Variants in CWF19L1 observed in about 807,000 individuals in gnomAD.
CWF19L1 encodes CWF19-like protein 1.
Under a neutral mutation model 69.7 loss-of-function variants are expected in CWF19L1, and 60 were observed. The ratio of observed to expected loss-of-function variants is 0.86; its 90% CI spans 0.70 to 1.07. The LOEUF (loss-of-function observed/expected upper bound fraction) is 1.07. Ranked by LOEUF, CWF19L1 falls within the 50% of genes least tolerant of loss-of-function variation. The probability of loss-of-function intolerance (pLI) is 0.00; values close to 1 mark genes in which losing one functional copy is unlikely to be tolerated. For synonymous variants in CWF19L1, 209 were observed against 222.2 expected (o/e 0.94, Z 0.53); for missense variants, 591 against 638.9 (o/e 0.92, Z 0.81).
chr10:100,264,157 G>A (rs1193408843), intron 1 of CWF19L1, among the ~76,000 whole-genome samples: 2 of 152,108 alleles, frequency 1.3e-5, no homozygotes, highest in African/African-American at 4.8e-5. Context: ...CTACTGGGCT[G>A]GTGGTTATAA....
intron 1 of CWF19L1, among the ~76,000 whole-genome samples, chr10:100,266,938 C>A (rs1847613439): frequency 6.6e-6 from 1 of 151,520 alleles, no homozygotes; most frequent in Non-Finnish European, 1.5e-5. Flanking sequence ...CTCCGCCTCC[C>A]GGGTTCAAGC....
chr10:100,244,500 C>T (rs74504620), intron 9 of CWF19L1, among the ~76,000 whole-genome samples: 1,806 of 151,684 alleles, frequency 0.012, 34 homozygotes, highest in African/African-American at 0.042. Context: ...GGACTACGGG[C>T]GTCTGCCACC....
At chr10:100,235,816 T>C (rs1589608539) in intron 12 of CWF19L1, 52 bp from the exon 13 acceptor site, 1 of 1,263,480 alleles carries the variant, frequency 7.9e-7, no homozygotes, top group Non-Finnish European at 1.1e-6. Flanking sequence ...TAAAAATCTA[T>C]AATCTGAGTT....
At chr10:100,248,976 G>A (rs1236258733) in intron 7 of CWF19L1, 2 of 697,140 alleles carry the variant, frequency 2.9e-6, no homozygotes, top group Non-Finnish European at 5.3e-6. Context: ...AGCTGCGCAA[G>A]CTGGAAGCTG....
In CWF19L1 at chr10:100,236,820, T is replaced by C. The variant is rs192899690; in HGVS notation, c.1374+30A>G. ...CAACAAAAAAAACAGATATTTACTC[T>C]TCCCTGAATATCACCATCCCCTGTT... is the stretch of plus-strand genomic sequence containing the variant. On this transcript the variant is annotated intron_variant, in intron 12 of 13. Coordinates refer to ENST00000354105, the MANE Select transcript of CWF19L1 (RefSeq NM_018294.6). 7 of 1,555,390 alleles carry C rather than the reference T, an allele frequency of 4.5e-6. No homozygotes were observed. In the Admixed American group the frequency reaches 1.0e-4, roughly 23 times the overall value.
At chr10:100,238,710 G>A (rs1384028637) in intron 10 of CWF19L1, among the ~76,000 whole-genome samples, 1 of 152,078 alleles carries the variant, frequency 6.6e-6, no homozygotes, top group Non-Finnish European at 1.5e-5. Context: ...CAGGTGGACC[G>A]CCTGAGGTCA....
intron 4 of CWF19L1, among the ~76,000 whole-genome samples, chr10:100,259,824 T>A (rs112916327): frequency 2.6e-5 from 4 of 152,124 alleles, no homozygotes; most frequent in Non-Finnish European, 5.9e-5. Context: ...AGCCAAAAAT[T>A]TCCTGGGAGA....
chr10:100,238,932 C>CAAA (rs397845145), intron 10 of CWF19L1, among the ~76,000 whole-genome samples: 2 of 68,570 alleles, frequency 2.9e-5, no homozygotes, highest in African/African-American at 6.6e-5. Context: ...ACTCCGTCTC[C>CAAA]AAAAAAAAAA....
intron 5 of CWF19L1, chr10:100,254,603 G>A (rs369166535): frequency 6.6e-6 from 1 of 152,104 alleles, no homozygotes; most frequent in Admixed American, 6.6e-5. Flanking sequence ...CTGCTGAAGG[G>A]CAGGGAATTA....
intron 11 of CWF19L1, chr10:100,237,415 T>G (rs932255876): frequency 2.7e-6 from 1 of 377,130 alleles, no homozygotes; most frequent in African/African-American, 2.1e-5. Context: ...ATACTCACTT[T>G]CTTCCAAATT....
At chr10:100,259,845 A>G (rs893802774) in intron 4 of CWF19L1, among the ~76,000 whole-genome samples, 8 of 152,212 alleles carry the variant, frequency 5.3e-5, no homozygotes, top group Non-Finnish European at 1.0e-4. Context: ...CTAATTCCTG[A>G]GAACACTATA....
chr10:100,242,378 G>C (rs367653557), intron 10 of CWF19L1, among the ~76,000 whole-genome samples: 2 of 152,258 alleles, frequency 1.3e-5, no homozygotes. Context: ...CATAATTCCA[G>C]ATAAAAATTC....
intron 6 of CWF19L1, among the ~76,000 whole-genome samples, chr10:100,252,341 A>G (rs1376136458): frequency 6.6e-6 from 1 of 152,032 alleles, no homozygotes; most frequent in Non-Finnish European, 1.5e-5. Flanking sequence ...AGGCTGAGGC[A>G]GGAGAATGGC....
intron 4 of CWF19L1, among the ~76,000 whole-genome samples, chr10:100,258,921 A>AT (rs1564861460): frequency 6.6e-6 from 1 of 150,996 alleles, no homozygotes; most frequent in East Asian, 1.9e-4. Flanking sequence ...AAAAAAAAAA[A>AT]GCCGAGCACA....
intron 4 of CWF19L1, among the ~76,000 whole-genome samples, chr10:100,257,287 CTTTTTTTTTTTT>C (rs55939570): frequency 1.9e-5 from 2 of 105,826 alleles, no homozygotes; most frequent in African/African-American, 7.3e-5. Flanking sequence ...AGTGCTTTAC[CTTTTTTTTTTTT>C]TTTTTTTTTT....
intron 10 of CWF19L1, among the ~76,000 whole-genome samples, chr10:100,241,622 GA>G (rs1460722319): frequency 6.6e-6 from 1 of 152,226 alleles, no homozygotes; most frequent in East Asian, 1.9e-4. Context: ...TATTTGAATA[GA>G]AATCTATTTG....
In CWF19L1 at chr10:100,233,055, G is replaced by A; in HGVS notation, c.*172C>T. The A allele has an allele frequency of 3.8e-6, 2 of 531,430 alleles. No homozygotes were observed. The highest frequency in any genetic ancestry group is 3.1e-6 in the Non-Finnish European group (1 of 326,546). 32.9% of individuals were successfully genotyped at this position (531,430 alleles called of 1,614,324 possible). A position where few individuals can be genotyped will look rare whatever the true frequency, so the allele number is the denominator to read the frequency against. ...CCCAGCTACTCATGAGGCTGAGGTG[G>A]GAGGAACTCTAGAGCCCAGGAGGTT... On this transcript the variant is annotated 3_prime_UTR_variant, in exon 14 of 14. Coordinates refer to ENST00000354105, the MANE Select transcript of CWF19L1 (RefSeq NM_018294.6).
intron 5 of CWF19L1, among the ~76,000 whole-genome samples, chr10:100,255,908 C>T (rs1206173359): frequency 6.6e-6 from 1 of 151,322 alleles, no homozygotes; most frequent in Non-Finnish European, 1.5e-5. Context: ...CCAACCTGGG[C>T]GACAGAGTGA....
At chr10:100,251,346 G>A (rs889518402) in intron 6 of CWF19L1, among the ~76,000 whole-genome samples, 3 of 152,082 alleles carry the variant, frequency 2.0e-5, no homozygotes, top group Non-Finnish European at 2.9e-5. Context: ...AATGTGTGAG[G>A]ATTCCAATTC....
Sources: allele counts gnomAD v4.1 joint callset (sites outside exome capture counted in the v4.1 genomes callset), GRCh38; gene constraint gnomAD v4.1.1; transcripts MANE v1.5; gene names NCBI Gene and HGNC (gene_info 2026-07-23, HGNC 2026-07-21).